The following USP31 variants were observed in gnomAD, a reference collection of about 807,000 sequenced individuals.
USP31 encodes ubiquitin specific peptidase 31.
Under a neutral mutation model 119.4 loss-of-function variants are expected in USP31, and 44 were observed. That is an observed-to-expected ratio of 0.37 (90% confidence interval 0.29 to 0.47). USP31 has a LOEUF of 0.47. Ranked by LOEUF, USP31 falls within the 20% of genes least tolerant of loss-of-function variation. The probability of loss-of-function intolerance (pLI) is 0.99; values close to 1 mark genes in which losing one functional copy is unlikely to be tolerated. For missense variants in USP31, 1,643 were observed against 1,730.2 expected (o/e 0.95, Z 0.89); for synonymous variants, 749 against 705.6 (o/e 1.06, Z -0.97).
chr16:23,146,426 A>T (rs1237633707), intron 1 of USP31, among the ~76,000 whole-genome samples: 1 of 152,094 alleles, frequency 6.6e-6, no homozygotes, highest in African/African-American at 2.4e-5. Context: ...TGGGAGGCTG[A>T]GACAGGAGAA....
At chr16:23,109,935 G>C (rs555609107) in intron 1 of USP31, among the ~76,000 whole-genome samples, 1 of 151,030 alleles carries the variant, frequency 6.6e-6, no homozygotes, top group Non-Finnish European at 1.5e-5. Flanking sequence ...GACCAGAAGA[G>C]ACTAAGATGA....
At chr16:23,073,625 T>C (rs955193427) in intron 14 of USP31, 97 bp downstream of exon 14, 4 of 1,407,806 alleles carry the variant, frequency 2.8e-6, no homozygotes, top group Non-Finnish European at 3.9e-6. Flanking sequence ...CTGATCAAAC[T>C]GACAGAGTCA....
Position 23,069,416 on chromosome 16 carries a change from C to G in USP31, c.2689G>C (p.Glu897Gln). 1.9e-6 allele frequency: 3 copies of G among 1,613,902 alleles called. No homozygotes were observed. The highest frequency in any genetic ancestry group is 2.5e-6 in the Non-Finnish European group (3 of 1,179,802). Residue 897 changes from glutamate to glutamine, a missense_variant, in exon 16 of 16, where the codon GAG (glutamate) becomes CAG (glutamine). Physicochemically the swap from Glu to Gln is conservative, Grantham distance 29. Transcript: ENST00000219689. The part of the protein sequence containing the change: ...SPIHSSASTL[E>Q]KIGEAADDKV... ...TCATCTGCTGCCTCCCCAATCTTCT[C>G]CAAGGTGGAAGCAGAGCTGTGAATT...
chr16:23,075,158 G>C (rs1660261454), intron 13 of USP31, among the ~76,000 whole-genome samples: 1 of 152,182 alleles, frequency 6.6e-6, no homozygotes, highest in African/African-American at 2.4e-5. Context: ...TTGCAGCTGA[G>C]AACTTGCCGG....
Position 23,148,751 on chromosome 16 carries a change from G to T in USP31, c.520C>A (p.Gln174Lys). Residue 174 changes from glutamine to lysine, a missense_variant, in exon 1 of 16, where the codon CAG (glutamine) becomes AAG (lysine). Gln to Lys is a moderately conservative substitution (Grantham distance 53, BLOSUM62 1). Coordinates refer to ENST00000219689, the MANE Select transcript of USP31 (RefSeq NM_020718.4). ...GRPEPSPDPE[Q>K]PAGRGAQGQG... ...CCCTGCGCGCCGCGGCCCGCAGGCT[G>T]CTCCGGGTCAGGCGAGGGCTCGGGC... 1 of 1,507,994 alleles carries T rather than the reference G, an allele frequency of 6.6e-7. No individual in the cohort carries two copies. Among genetic ancestry groups the T allele is most frequent in the Admixed American group, 2.4e-5 (1 of 42,128 alleles). 93.4% of individuals were successfully genotyped at this position (1,507,994 alleles called of 1,614,324 possible).
intron 1 of USP31, among the ~76,000 whole-genome samples, chr16:23,118,111 A>G (rs1295724334): frequency 6.6e-6 from 1 of 152,032 alleles, no homozygotes; most frequent in East Asian, 1.9e-4. Context: ...TTTACTTAAC[A>G]TGTGCTTCTC....
chr16:23,076,288 T>TA (rs766668376), intron 13 of USP31, among the ~76,000 whole-genome samples: 338 of 130,132 alleles, frequency 2.6e-3, no homozygotes, highest in African/African-American at 4.8e-3. Context: ...AAGTTGATGT[T>TA]AAAAAAAAAA....
At position 23,075,469 on chromosome 16, in the gene USP31, T is replaced by G. The variant is rs188653911; in HGVS notation, c.2177-1589A>C. Among the ~76,000 whole-genome samples, 773 of 152,334 alleles carry G rather than the reference T, an allele frequency of 5.1e-3. 4 individuals are homozygous for G. Among genetic ancestry groups the G allele is most frequent in the Middle Eastern group, 0.014 (4 of 294 alleles). ...AAATAATTCTACTTGCTTTTCTTCC[T>G]AGAACTACTTTCTGAAGTATTCTCT... On this transcript the variant is annotated intron_variant, in intron 13 of 15. Transcript: ENST00000219689.
intron 11 of USP31, among the ~76,000 whole-genome samples, chr16:23,083,370 G>C (rs1900925060): frequency 6.6e-6 from 1 of 152,034 alleles, no homozygotes; most frequent in African/African-American, 2.4e-5. Flanking sequence ...ACAGCATGAA[G>C]GCAAAAATGT....
chr16:23,079,925 G>A (rs777906445), intron 13 of USP31, 21 bp downstream of exon 13: 11 of 1,567,724 alleles, frequency 7.0e-6, no homozygotes, highest in South Asian at 2.4e-5. Context: ...GCACAGACAC[G>A]CAGCCTCTCA....
intron 6 of USP31, among the ~76,000 whole-genome samples, chr16:23,098,361 A>G (rs902883542): frequency 6.6e-6 from 1 of 152,162 alleles, no homozygotes; most frequent in Non-Finnish European, 1.5e-5. Flanking sequence ...ATGCTCATGG[A>G]TAGGAAGAAT....
At chr16:23,139,100 T>C (rs1287081920) in intron 1 of USP31, among the ~76,000 whole-genome samples, 1 of 151,574 alleles carries the variant, frequency 6.6e-6, no homozygotes, top group Non-Finnish European at 1.5e-5. Context: ...TGTTTCTTAA[T>C]GGGCATAAAT....
intron 1 of USP31, among the ~76,000 whole-genome samples, chr16:23,115,475 C>T (rs1249522967): frequency 6.6e-6 from 1 of 151,732 alleles, no homozygotes; most frequent in South Asian, 2.1e-4. Context: ...GGCAACATAT[C>T]GAGACCCTGT....
At chr16:23,141,370 T>C (rs1310635128) in intron 1 of USP31, among the ~76,000 whole-genome samples, 8 of 150,802 alleles carry the variant, frequency 5.3e-5, no homozygotes, top group Admixed American at 2.7e-4. Flanking sequence ...CTCTTTAGCA[T>C]TTATACAATA....
chr16:23,094,803 G>C (rs554246457), intron 6 of USP31, among the ~76,000 whole-genome samples: 1 of 151,194 alleles, frequency 6.6e-6, no homozygotes, highest in Admixed American at 6.6e-5. Flanking sequence ...GAAAGGAATA[G>C]CACCAACATC....
In USP31 at chr16:23,108,034, A is replaced by G. The variant is rs200645133; in HGVS notation, c.771+12T>C. 1 of 1,609,740 alleles carries G rather than the reference A, an allele frequency of 6.2e-7. No individual in the cohort carries two copies. Among genetic ancestry groups the G allele is most frequent in the East Asian group, 2.2e-5 (1 of 44,770 alleles). Reference sequence around the variant, plus strand: ...GGCTGGCTGACTGCCCTAGGGCAGCATGCGTCCTTACCTTCAGAGGAGGCT... The same window carrying G: ...GGCTGGCTGACTGCCCTAGGGCAGCGTGCGTCCTTACCTTCAGAGGAGGCT... On this transcript the variant is annotated intron_variant, in intron 2 of 15. Coordinates refer to ENST00000219689, the MANE Select transcript of USP31 (RefSeq NM_020718.4).
Position 23,067,450 on chromosome 16 carries a change from C to T in USP31, c.*596G>A, listed in dbSNP as rs1005071348. On this transcript the variant is annotated 3_prime_UTR_variant, in exon 16 of 16. Coordinates refer to ENST00000219689, the MANE Select transcript of USP31 (RefSeq NM_020718.4). ...TTTAATCCATTTACTGGTGTGCAACCATCCTAGACTAGCTGAGTATATACC... is the reference window on the plus strand; with the variant it reads ...TTTAATCCATTTACTGGTGTGCAACTATCCTAGACTAGCTGAGTATATACC... 4 of 152,650 alleles carry T rather than the reference C, an allele frequency of 2.6e-5. No individual in the cohort carries two copies. The highest frequency in any genetic ancestry group is 4.4e-5 in the Non-Finnish European group (3 of 68,068). 9.5% of individuals were successfully genotyped at this position (152,650 alleles called of 1,614,324 possible). A position where few individuals can be genotyped will look rare whatever the true frequency, so the allele number is the denominator to read the frequency against.
intron 6 of USP31, among the ~76,000 whole-genome samples, chr16:23,094,243 G>A (rs935200307): frequency 4.6e-5 from 7 of 152,334 alleles, no homozygotes; most frequent in Admixed American, 4.6e-4. Context: ...CTTGCTCACT[G>A]CTAGCGCAGC....
intron 1 of USP31, among the ~76,000 whole-genome samples, chr16:23,122,181 G>T (rs1902693334): frequency 6.6e-6 from 1 of 152,126 alleles, no homozygotes; most frequent in East Asian, 1.9e-4. Context: ...TACAGAAATA[G>T]ATGTTATCTA....
Sources: allele counts gnomAD v4.1 joint callset (sites outside exome capture counted in the v4.1 genomes callset), GRCh38; gene constraint gnomAD v4.1.1; transcripts MANE v1.5; gene names NCBI Gene and HGNC (gene_info 2026-07-23, HGNC 2026-07-21).